SUGCT: variants seen among roughly 807,000 people sequenced by gnomAD.
The protein encoded by SUGCT is succinyl-CoA:glutarate-CoA transferase, also known as succinyl-CoA:glutarate CoA-transferase.
In SUGCT, 41 loss-of-function variants were observed where a neutral mutation model predicts 55.0. That is an observed-to-expected ratio of 0.74 (90% CI 0.58 to 0.97). SUGCT has a LOEUF of 0.97. SUGCT is among the 50% of genes least tolerant of loss of function. The pLI is 0.00. For synonymous variants in SUGCT, 187 were observed against 200.4 expected, an observed-to-expected ratio of 0.93 and a Z score of 0.56; for missense variants, 568 against 547.8, an observed-to-expected ratio of 1.04 and a Z score of -0.37.
rs139288970 is a variant in SUGCT, at chr7:40,554,601, A to T, written c.1089+58215A>T. Among the ~76,000 whole-genome samples, 88 of 152,316 alleles carry T rather than the reference A, an allele frequency of 5.8e-4. 1 individual carries two copies. Among genetic ancestry groups the T allele is most frequent in the African/African-American group, 2.0e-3 (83 of 41,568 alleles). ...GAATGACTTTGGTGTTTCAGCTAAA[A>T]AGCTGACTTTTACAGAAGAGGTGTG... On this transcript the variant is annotated intron_variant, in intron 12 of 13. Coordinates refer to ENST00000335693, the MANE Select transcript of SUGCT (RefSeq NM_001193313.2).
At chr7:40,942,846 T>C in the SUGCT span, among the ~76,000 whole-genome samples, 2 of 152,114 alleles carry the variant, frequency 1.3e-5, no homozygotes, top group African/African-American at 4.8e-5. Context: ...TGATCTAGTC[T>C]ATTGTTAAAA....
At chr7:40,357,486 G>A (rs958097599) in intron 9 of SUGCT, among the ~76,000 whole-genome samples, 1 of 152,090 alleles carries the variant, frequency 6.6e-6, no homozygotes, top group Non-Finnish European at 1.5e-5. Flanking sequence ...TTATGATTGT[G>A]TCGCTGTGAT....
chr7:40,683,042 A>G (rs1784322775), intron 12 of SUGCT, among the ~76,000 whole-genome samples: 1 of 151,854 alleles, frequency 6.6e-6, no homozygotes, highest in Non-Finnish European at 1.5e-5. Context: ...TAATTTGTCA[A>G]TTTACTTTTC....
chr7:40,457,517 A>G (rs1214516542), intron 10 of SUGCT, among the ~76,000 whole-genome samples: 2 of 152,170 alleles, frequency 1.3e-5, no homozygotes, highest in African/African-American at 4.8e-5. Context: ...TAATATGTCA[A>G]GCATTTTCAT....
intron 8 of SUGCT, among the ~76,000 whole-genome samples, chr7:40,282,325 G>A (rs1018244917): frequency 3.3e-5 from 5 of 151,872 alleles, no homozygotes; most frequent in Non-Finnish European, 4.4e-5. Flanking sequence ...AAAATTAGCC[G>A]GGCATGGTGG....
intron 6 of SUGCT, among the ~76,000 whole-genome samples, chr7:40,206,841 G>A (rs1184686219): frequency 6.6e-6 from 1 of 152,122 alleles, no homozygotes; most frequent in African/African-American, 2.4e-5. Context: ...TCAATTTGTG[G>A]ATTGGTTGAA....
chr7:40,255,421 G>C (rs1790742426), intron 7 of SUGCT, among the ~76,000 whole-genome samples: 1 of 151,280 alleles, frequency 6.6e-6, no homozygotes. Context: ...TAGCACCTTG[G>C]GAGGCCGGGG....
chr7:40,639,511 A>G (rs1800170264), intron 12 of SUGCT, among the ~76,000 whole-genome samples: 1 of 147,816 alleles, frequency 6.8e-6, no homozygotes, highest in Non-Finnish European at 1.5e-5. Context: ...ATGCTTTTTC[A>G]GATTTTTTTT....
the SUGCT span, among the ~76,000 whole-genome samples, chr7:40,974,463 G>C: frequency 6.6e-6 from 1 of 152,214 alleles, no homozygotes; most frequent in Non-Finnish European, 1.5e-5. Flanking sequence ...GACACAAAAA[G>C]AAGGTGACCA....
the SUGCT span, among the ~76,000 whole-genome samples, chr7:41,022,907 T>A: frequency 1.5e-3 from 221 of 152,334 alleles, no homozygotes; most frequent in Non-Finnish European, 2.4e-3. Context: ...TAATATAGCT[T>A]CTCAGATTGA....
intron 6 of SUGCT, among the ~76,000 whole-genome samples, chr7:40,230,118 T>C (rs989235601): frequency 2.0e-5 from 3 of 152,216 alleles, no homozygotes; most frequent in Admixed American, 6.5e-5. Flanking sequence ...CTTAGTCCTC[T>C]TTGAAACCTG....
intron 12 of SUGCT, among the ~76,000 whole-genome samples, chr7:40,584,210 G>A (rs565632784): frequency 1.3e-5 from 2 of 152,266 alleles, no homozygotes; most frequent in South Asian, 4.1e-4. Context: ...GCTTCCATTT[G>A]TTGAGTGATC....
intron 12 of SUGCT, among the ~76,000 whole-genome samples, chr7:40,625,075 A>G (rs573357087): frequency 1.3e-5 from 2 of 152,130 alleles, no homozygotes; most frequent in East Asian, 1.9e-4. Context: ...AATTGCCTCA[A>G]TCCCCCATTT....
chr7:40,867,765 A>T, the SUGCT span, among the ~76,000 whole-genome samples: 2 of 152,214 alleles, frequency 1.3e-5, no homozygotes, highest in African/African-American at 4.8e-5. Context: ...GCACTTTCTA[A>T]TCGGCACAAT....
At chr7:40,316,387 T>C (rs760228044) in intron 8 of SUGCT, among the ~76,000 whole-genome samples, 1 of 152,072 alleles carries the variant, frequency 6.6e-6, no homozygotes, top group Non-Finnish European at 1.5e-5. Context: ...TGGTGCAAAA[T>C]AAAAGGAGAT....
chr7:40,899,254 C>G, the SUGCT span, among the ~76,000 whole-genome samples: 1 of 152,200 alleles, frequency 6.6e-6, no homozygotes, highest in Admixed American at 6.5e-5. Flanking sequence ...CTCACCAACC[C>G]TGACTGGCAG....
chr7:40,658,319 T>C (rs977928230), intron 12 of SUGCT, among the ~76,000 whole-genome samples: 1 of 152,246 alleles, frequency 6.6e-6, no homozygotes. Context: ...AACTCTGTTA[T>C]GTTGAACCCC....
chr7:40,879,372 C>T, the SUGCT span, among the ~76,000 whole-genome samples: 149 of 152,214 alleles, frequency 9.8e-4, no homozygotes, highest in African/African-American at 3.0e-3. Context: ...GTTTTCTAGA[C>T]GTATTCAGAA....
chr7:40,193,948 A>G (rs1786094574), intron 5 of SUGCT, among the ~76,000 whole-genome samples: 1 of 152,056 alleles, frequency 6.6e-6, no homozygotes, highest in African/African-American at 2.4e-5. Context: ...AAATTTTGGG[A>G]AAAAAATTTC....
Sources: allele counts gnomAD v4.1 joint callset (sites outside exome capture counted in the v4.1 genomes callset), GRCh38; gene constraint gnomAD v4.1.1; transcripts MANE v1.5; gene names NCBI Gene and HGNC (gene_info 2026-07-23, HGNC 2026-07-21).